The following STK33 variants were observed in gnomAD, a reference collection of about 807,000 sequenced individuals.
STK33 encodes serine/threonine kinase 33.
A neutral mutation model predicts 58.0 loss-of-function variants in STK33; 52 were observed. The observed-to-expected ratio is 0.90, with a 90% CI of 0.72 to 1.13. STK33 has a LOEUF of 1.13. Among genes scored for constraint, STK33 ranks in the 50% most tolerant of loss-of-function variants. STK33 has a pLI of 0.00. For synonymous variants in STK33, 215 were observed against 200.1 expected, an observed-to-expected ratio of 1.07 and a Z score of -0.63; for missense variants, 630 against 604.2, an observed-to-expected ratio of 1.04 and a Z score of -0.45.
At chr11:8,451,404 A>G (rs1033655325) in intron 11 of STK33, among the ~76,000 whole-genome samples, 10 of 152,234 alleles carry the variant, frequency 6.6e-5, no homozygotes, top group Admixed American at 2.0e-4. Context: ...TCAACAATAT[A>G]GAAGAGCAGA....
chr11:8,512,286 T>A (rs1371013563), intron 1 of STK33, among the ~76,000 whole-genome samples: 1 of 152,154 alleles, frequency 6.6e-6, no homozygotes, highest in Non-Finnish European at 1.5e-5. Flanking sequence ...GGCACCTAAT[T>A]TATATAAGAT....
At chr11:8,533,017 T>A (rs183942631) in intron 1 of STK33, among the ~76,000 whole-genome samples, 1 of 152,240 alleles carries the variant, frequency 6.6e-6, no homozygotes, top group Non-Finnish European at 1.5e-5. Flanking sequence ...AATTCTGTCA[T>A]GTTTGTACAC....
chr11:8,530,292 C>T (rs1167561576), intron 1 of STK33, among the ~76,000 whole-genome samples: 1 of 151,084 alleles, frequency 6.6e-6, no homozygotes, highest in East Asian at 2.0e-4. Flanking sequence ...AGATAGCGGA[C>T]AAAAGAGCAT....
At chr11:8,472,437 C>T (rs916793790) in intron 6 of STK33, among the ~76,000 whole-genome samples, 1 of 152,062 alleles carries the variant, frequency 6.6e-6, no homozygotes, top group African/African-American at 2.4e-5. Context: ...TATTAATTGG[C>T]CTAATTTCAA....
intron 1 of STK33, among the ~76,000 whole-genome samples, chr11:8,573,270 G>T (rs779168706): frequency 6.6e-6 from 1 of 152,132 alleles, no homozygotes; most frequent in East Asian, 1.9e-4. Context: ...TTTAGAAGAT[G>T]GGCAAAATAC....
chr11:8,397,186 G>A (rs1041820282), intron 15 of STK33, among the ~76,000 whole-genome samples: 1 of 152,236 alleles, frequency 6.6e-6, no homozygotes, highest in South Asian at 2.1e-4. Flanking sequence ...CCTGACCCCT[G>A]AGTAGCCTAA....
intron 1 of STK33, among the ~76,000 whole-genome samples, chr11:8,570,687 C>T (rs746402279): frequency 4.6e-5 from 7 of 152,072 alleles, no homozygotes; most frequent in Non-Finnish European, 1.0e-4. Context: ...TCAGAGGTTA[C>T]CTGAGAATGC....
At chr11:8,347,922 C>A in the STK33 span, among the ~76,000 whole-genome samples, 1 of 152,200 alleles carries the variant, frequency 6.6e-6, no homozygotes, top group African/African-American at 2.4e-5. Context: ...CTTCCCCTGC[C>A]ATTTCTAAAC....
chr11:8,385,349 T>C, the STK33 span, among the ~76,000 whole-genome samples: 1 of 152,208 alleles, frequency 6.6e-6, no homozygotes, highest in African/African-American at 2.4e-5. Flanking sequence ...TTTCTTCCTG[T>C]GGCCCCCTAA....
At chr11:8,493,094 G>T (rs530144698) in intron 1 of STK33, among the ~76,000 whole-genome samples, 2 of 152,152 alleles carry the variant, frequency 1.3e-5, no homozygotes, top group African/African-American at 4.8e-5. Flanking sequence ...AAATAACTAA[G>T]ATCAGAGCAG....
intron 9 of STK33, 60 bp from the exon 10 acceptor site, chr11:8,454,892 C>T: frequency 7.1e-7 from 1 of 1,416,006 alleles, no homozygotes; most frequent in Non-Finnish European, 9.4e-7. Flanking sequence ...AGGAGAGACA[C>T]ATATAGATTA....
chr11:8,574,136 A>T (rs1958020114), intron 1 of STK33, among the ~76,000 whole-genome samples: 2 of 152,124 alleles, frequency 1.3e-5, no homozygotes, highest in South Asian at 4.1e-4. Context: ...GGAAGTGGAC[A>T]CTTAGAGATG....
chr11:8,405,662 T>C (rs1226050713), intron 15 of STK33, among the ~76,000 whole-genome samples: 1 of 152,224 alleles, frequency 6.6e-6, no homozygotes, highest in Non-Finnish European at 1.5e-5. Flanking sequence ...TCTTATGTTT[T>C]ATCCTAGGAG....
intron 1 of STK33, among the ~76,000 whole-genome samples, chr11:8,515,228 G>T (rs947382679): frequency 6.6e-6 from 1 of 151,718 alleles, no homozygotes; most frequent in Non-Finnish European, 1.5e-5. Context: ...TGAAAGAAGA[G>T]ATATTACAGC....
chr11:8,481,387 A>C (rs1949786501), intron 1 of STK33, among the ~76,000 whole-genome samples: 1 of 152,206 alleles, frequency 6.6e-6, no homozygotes, highest in Non-Finnish European at 1.5e-5. Context: ...GGCAGGAACC[A>C]TGTCCTATTT....
At chr11:8,356,408 A>T in the STK33 span, among the ~76,000 whole-genome samples, 1 of 152,140 alleles carries the variant, frequency 6.6e-6, no homozygotes, top group Admixed American at 6.5e-5. Context: ...TGACTGGCTG[A>T]CAGGGGACCC....
At position 8,452,853 on chromosome 11, in the gene STK33, C is replaced by T; in HGVS notation, c.840G>A (p.Leu280=). The change falls in exon 11 of 16, where the codon CTG becomes CTA. Residue 280 remains leucine, a synonymous_variant. Coordinates refer to ENST00000687296, the MANE Select transcript of STK33 (RefSeq NM_001352389.2). ...VKKQSRSEAM[L]QATCGTPIYM... is the part of the protein sequence containing the mutation. Reference sequence around the variant, plus strand: ...AGATAGGAGTCCCACATGTGGCCTGCAGCATGGCTTCACTCCTACTTTGCT... The same window carrying T: ...AGATAGGAGTCCCACATGTGGCCTGTAGCATGGCTTCACTCCTACTTTGCT... The T allele has an allele frequency of 6.2e-7, 1 of 1,614,118 alleles. No individual in the cohort carries two copies. Among genetic ancestry groups the T allele is most frequent in the South Asian group, 1.1e-5 (1 of 91,060 alleles).
intron 2 of STK33, among the ~76,000 whole-genome samples, chr11:8,479,948 T>C (rs1292302607): frequency 6.6e-6 from 1 of 152,194 alleles, no homozygotes; most frequent in East Asian, 1.9e-4. Context: ...TTTTTGAGTG[T>C]TGATTTTGTG....
At chr11:8,399,485 T>C (rs1414856532) in intron 15 of STK33, among the ~76,000 whole-genome samples, 1 of 152,210 alleles carries the variant, frequency 6.6e-6, no homozygotes, top group African/African-American at 2.4e-5. Flanking sequence ...GAAGGAAATT[T>C]ATAGCACTAA....
Sources: gnomAD v4.1 joint callset for allele counts (sites outside exome capture counted in the v4.1 genomes callset) on GRCh38, gnomAD v4.1.1 for gene constraint, MANE v1.5 for transcripts, NCBI Gene and HGNC (gene_info 2026-07-23, HGNC 2026-07-21) for gene names.